The following ARHGAP26 variants were observed in gnomAD, a reference collection of about 807,000 sequenced individuals.
ARHGAP26 encodes Rho GTPase activating protein 26.
Under a neutral mutation model 104.8 loss-of-function variants are expected in ARHGAP26, and 38 were observed. The observed-to-expected ratio is 0.36, with a 90% CI of 0.28 to 0.48. The LOEUF (loss-of-function observed/expected upper bound fraction) is 0.48. ARHGAP26 is among the 20% of genes least tolerant of loss of function. ARHGAP26 has a pLI of 0.99. For missense variants in ARHGAP26, 704 were observed against 947.9 expected (o/e 0.74, Z 3.38); for synonymous variants, 341 against 340.0 (o/e 1.00, Z -0.03).
intron 17 of ARHGAP26, among the ~76,000 whole-genome samples, chr5:143,115,360 AAAG>A (rs1795304909): frequency 6.7e-5 from 1 of 14,890 alleles, no homozygotes; most frequent in Non-Finnish European, 2.1e-3. Flanking sequence ...ACAAAAAACG[AAAG>A]AAAGAAAAGA....
chr5:142,905,208 T>C (rs1361158328), intron 8 of ARHGAP26, among the ~76,000 whole-genome samples: 1 of 152,236 alleles, frequency 6.6e-6, no homozygotes, highest in African/African-American at 2.4e-5. Context: ...CCACCTATAA[T>C]ACTTAATTTG....
intron 2 of ARHGAP26, 199 bp from the exon 3 acceptor site, chr5:142,874,911 C>T (rs920690002): frequency 2.1e-5 from 12 of 560,308 alleles, no homozygotes; most frequent in Non-Finnish European, 2.9e-5. Flanking sequence ...GCTAGAGTGC[C>T]AGGTGGAATT....
At chr5:142,980,036 G>A (rs1209745249) in intron 11 of ARHGAP26, among the ~76,000 whole-genome samples, 6 of 152,204 alleles carry the variant, frequency 3.9e-5, no homozygotes, top group Non-Finnish European at 8.8e-5. Flanking sequence ...GCTCCCTAGT[G>A]CACTCAGTCA....
In ARHGAP26 at chr5:143,001,045, A is replaced by T. The variant is rs1321731494; in HGVS notation, c.1108-13035A>T. Among the ~76,000 whole-genome samples the T allele has an allele frequency of 3.3e-5, 5 of 152,118 alleles. No homozygotes were observed. The South Asian group carries it at 6.2e-4, about 19-fold the overall frequency. The stretch of plus-strand genomic sequence containing the variant: ...TGTATCCCAGAACTTAAAAAAAAAA[A>T]TTTATGCTGAGTGAAACAGAGTAGC... On this transcript the variant is annotated intron_variant, in intron 11 of 22. Coordinates refer to ENST00000645722, the MANE Select transcript of ARHGAP26 (RefSeq NM_001135608.3).
chr5:142,812,255 A>C (rs383898), intron 1 of ARHGAP26, among the ~76,000 whole-genome samples: 14,017 of 151,902 alleles, frequency 0.092, 785 homozygotes, highest in African/African-American at 0.15. Context: ...ATACAGAGGT[A>C]TTTTTTCATA....
chr5:142,915,100 T>G (rs1762303960), intron 10 of ARHGAP26, among the ~76,000 whole-genome samples: 1 of 152,174 alleles, frequency 6.6e-6, no homozygotes, highest in South Asian at 2.1e-4. Flanking sequence ...GAGAGTGGCT[T>G]TTTAGGCGAT....
At chr5:143,128,081 G>A (rs918623670) in intron 18 of ARHGAP26, among the ~76,000 whole-genome samples, 2 of 152,128 alleles carry the variant, frequency 1.3e-5, no homozygotes, top group Non-Finnish European at 2.9e-5. Flanking sequence ...ATTTACTTGG[G>A]TGTTGAGCTA....
In ARHGAP26 at chr5:142,831,239, A is replaced by C. The variant is rs187035276; in HGVS notation, c.155-42161A>C. ...CCAATACTCTGTGCTCAGTCATTTG[A>C]TATCTCTCTGCCTCGTTCAGGTGCT... On this transcript the variant is annotated intron_variant, in intron 1 of 22. Coordinates refer to ENST00000645722, the MANE Select transcript of ARHGAP26 (RefSeq NM_001135608.3). 6.5e-3 allele frequency among the ~76,000 whole-genome samples: 992 copies of C among 152,168 alleles called. 9 individuals are homozygous for C. The highest frequency in any genetic ancestry group is 0.031 in the Middle Eastern group (9 of 294).
rs541680863 is a variant in ARHGAP26 at position 143,078,758 on chromosome 5, G to A, written c.1538+21011G>A. Among the ~76,000 whole-genome samples, 77 of 152,312 alleles carry A rather than the reference G, an allele frequency of 5.1e-4. 1 individual carries two copies. The highest frequency in any genetic ancestry group is 1.7e-3 in the African/African-American group (72 of 41,570). ...TGAAAGCTGGCCTGTGTCCAACTGT[G>A]GTGAAATAAGACAGGTGGGTTTGAT... On this transcript the variant is annotated intron_variant, in intron 17 of 22. Transcript: ENST00000645722.
At chr5:142,970,365 A>AT in intron 11 of ARHGAP26, among the ~76,000 whole-genome samples, 1 of 152,166 alleles carries the variant, frequency 6.6e-6, no homozygotes, top group East Asian at 1.9e-4. Flanking sequence ...AAAAAAGAGA[A>AT]TTTTTTGGTT....
Position 142,932,042 on chromosome 5 carries a change from T to G in ARHGAP26, c.1029-5T>G. 1 of 1,614,034 alleles carries G rather than the reference T, an allele frequency of 6.2e-7. No individual in the cohort carries two copies. Among genetic ancestry groups the G allele is most frequent in the Middle Eastern group, 1.6e-4 (1 of 6,062 alleles). On this transcript the variant is annotated splice_region_variant and splice_polypyrimidine_tract_variant and intron_variant, in intron 10 of 22. Coordinates refer to ENST00000645722, the MANE Select transcript of ARHGAP26 (RefSeq NM_001135608.3). The stretch of plus-strand genomic sequence containing the variant: ...TTCATATCCATGTCCCTCCTTTCTC[T>G]GCAGGCCAGGGGTTATCACCATGCA...
chr5:143,001,998 T>C (rs2152786997), intron 11 of ARHGAP26, among the ~76,000 whole-genome samples: 1 of 152,322 alleles, frequency 6.6e-6, no homozygotes, highest in South Asian at 2.1e-4. Context: ...TCCCTGTGTC[T>C]GTGTTGGATA....
At chr5:142,836,347 C>T (rs1769562243) in intron 1 of ARHGAP26, among the ~76,000 whole-genome samples, 1 of 152,206 alleles carries the variant, frequency 6.6e-6, no homozygotes, top group South Asian at 2.1e-4. Flanking sequence ...TCATATAAAT[C>T]ATTTACAACT....
intron 20 of ARHGAP26, chr5:143,172,995 C>G (rs1424144628): frequency 1.1e-5 from 2 of 180,718 alleles, no homozygotes; most frequent in African/African-American, 4.7e-5. Context: ...ACCATGTCTA[C>G]GGCATGCCAG....
At chr5:143,004,805 G>T (rs728463) in intron 11 of ARHGAP26, among the ~76,000 whole-genome samples, 89,655 of 152,036 alleles carry the variant, frequency 0.59, 30,086 homozygotes, top group Non-Finnish European at 0.77. Flanking sequence ...CCAGAGGGTG[G>T]AGCCAACAAG....
At chr5:142,877,766 T>C (rs1417285340) in intron 3 of ARHGAP26, among the ~76,000 whole-genome samples, 1 of 152,214 alleles carries the variant, frequency 6.6e-6, no homozygotes, top group Non-Finnish European at 1.5e-5. Context: ...AGTCCAGGGA[T>C]TCTGAGTTAG....
intron 10 of ARHGAP26, among the ~76,000 whole-genome samples, chr5:142,930,592 A>G (rs712170): frequency 6.6e-6 from 1 of 150,918 alleles, no homozygotes; most frequent in Non-Finnish European, 1.5e-5. Context: ...CCCACATACA[A>G]CCCCACTCCC....
intron 20 of ARHGAP26, chr5:143,202,766 A>G (rs1807960780): frequency 6.6e-6 from 1 of 152,184 alleles, no homozygotes; most frequent in Non-Finnish European, 1.5e-5. Context: ...CTCAGAAATG[A>G]CGCCACACAT....
At chr5:142,990,160 C>T (rs1017927206) in intron 11 of ARHGAP26, among the ~76,000 whole-genome samples, 12 of 152,228 alleles carry the variant, frequency 7.9e-5, no homozygotes, top group Middle Eastern at 3.4e-3. Flanking sequence ...TTTCTTTTTA[C>T]TCTTTTTTCT....
Sources: allele counts gnomAD v4.1 joint callset (sites outside exome capture counted in the v4.1 genomes callset), GRCh38; gene constraint gnomAD v4.1.1; transcripts MANE v1.5; gene names NCBI Gene and HGNC (gene_info 2026-07-23, HGNC 2026-07-21).